SGCD: variants seen among roughly 807,000 people sequenced by gnomAD.
SGCD encodes the protein sarcoglycan delta, also known as delta-sarcoglycan.
A neutral mutation model predicts 36.6 loss-of-function variants in SGCD; 18 were observed. That is an observed-to-expected ratio of 0.49 (90% CI 0.34 to 0.73). The LOEUF is 0.73. Ranked by LOEUF, SGCD falls within the 30% of genes least tolerant of loss-of-function variation. SGCD has a pLI of 0.01. For synonymous variants in SGCD, 133 were observed against 130.6 expected (o/e 1.02, Z -0.12); for missense variants, 387 against 346.7 (o/e 1.12, Z -0.92).
At chr5:155,958,628 A>T (rs1156465659) in intron 1 of SGCD, among the ~76,000 whole-genome samples, 1 of 152,172 alleles carries the variant, frequency 6.6e-6, no homozygotes, top group South Asian at 2.1e-4. Context: ...TAAGCATGCT[A>T]ACAATTAAAA....
At chr5:156,450,425 AAG>A (rs1460957058) in intron 3 of SGCD, among the ~76,000 whole-genome samples, 1 of 152,084 alleles carries the variant, frequency 6.6e-6, no homozygotes, top group Non-Finnish European at 1.5e-5. Flanking sequence ...TTGGTTCAGA[AAG>A]AGAGTTCTTA....
intron 6 of SGCD, 107 bp downstream of exon 6, chr5:156,595,158 C>T (rs1178582659): frequency 2.7e-5 from 35 of 1,293,756 alleles, no homozygotes; most frequent in South Asian, 7.8e-5. Context: ...ATTCATATAT[C>T]GAAATCCTAA....
chr5:156,153,932 T>C (rs1386372911), intron 3 of SGCD, among the ~76,000 whole-genome samples: 1 of 151,684 alleles, frequency 6.6e-6, no homozygotes, highest in Non-Finnish European at 1.5e-5. Context: ...TTTTAAACAA[T>C]TGGTAAGCAT....
At chr5:156,193,717 A>C (rs1763950746) in intron 3 of SGCD, among the ~76,000 whole-genome samples, 1 of 152,188 alleles carries the variant, frequency 6.6e-6, no homozygotes, top group African/African-American at 2.4e-5. Flanking sequence ...AGAGAGATGG[A>C]ACTTCAGTCT....
At chr5:155,893,958 T>A (rs1331245321) in intron 1 of SGCD, among the ~76,000 whole-genome samples, 1 of 152,194 alleles carries the variant, frequency 6.6e-6, no homozygotes, top group African/African-American at 2.4e-5. Flanking sequence ...TTTGTATATC[T>A]AAAAATAGAA....
At chr5:155,869,618 A>T (rs1013978999), upstream of SGCD, among the ~76,000 whole-genome samples, 8 of 151,108 alleles carry the variant, frequency 5.3e-5, no homozygotes, top group African/African-American at 2.0e-4. Context: ...TACATGGCAC[A>T]TTATTAAGCT....
At chr5:156,098,084 C>T (rs1188624118) in intron 1 of SGCD, among the ~76,000 whole-genome samples, 1 of 152,136 alleles carries the variant, frequency 6.6e-6, no homozygotes, top group Non-Finnish European at 1.5e-5. Context: ...CTTACAGGCA[C>T]CCCCTACTCC....
rs539389542 is a variant in SGCD, at chr5:155,886,754, C to A, written c.-282+16330C>A. Among the ~76,000 whole-genome samples, 18 of 152,336 alleles carry A rather than the reference C, an allele frequency of 1.2e-4. No homozygotes were observed. In the South Asian group the frequency reaches 3.7e-3, roughly 32 times the overall value. ...TTATCAGTCAAGCTTCTGGGACTAG[C>A]AGCTGAGATGCTCAACTTCCCTGCA... On this transcript the variant is annotated intron_variant, in intron 1 of 9. Coordinates refer to the SGCD transcript ENST00000517913.
At chr5:156,368,219 T>C (rs552456886) in intron 3 of SGCD, among the ~76,000 whole-genome samples, 36 of 152,096 alleles carry the variant, frequency 2.4e-4, no homozygotes, top group African/African-American at 8.7e-4. Flanking sequence ...GCCTCCTGAG[T>C]AGCTGGGATT....
chr5:156,046,875 C>A (rs1191119247), intron 1 of SGCD, among the ~76,000 whole-genome samples: 1 of 152,110 alleles, frequency 6.6e-6, no homozygotes, highest in East Asian at 1.9e-4. Context: ...ATGTCTAAAG[C>A]CAGATAGACT....
chr5:156,702,271 C>T, intron 7 of SGCD, among the ~76,000 whole-genome samples: 1 of 152,076 alleles, frequency 6.6e-6, no homozygotes, highest in East Asian at 1.9e-4. Context: ...CCACTGTGCC[C>T]TCTGCTTGGG....
At chr5:155,793,691 A>G in the SGCD span, among the ~76,000 whole-genome samples, 2 of 151,658 alleles carry the variant, frequency 1.3e-5, no homozygotes, top group Non-Finnish European at 1.5e-5. Context: ...ACAGGCATGC[A>G]CCACCACGTC....
In SGCD at chr5:156,279,525, T is replaced by C. The variant is rs928814251; in HGVS notation, c.-43-50009T>C. On this transcript the variant is annotated intron_variant, in intron 3 of 9. Transcript: ENST00000517913. ...TGGTGAAATGAACAAAGTACATGAATAGACAGTTCAAAAAGAAGAAATGTG... is the reference window on the plus strand; with the variant it reads ...TGGTGAAATGAACAAAGTACATGAACAGACAGTTCAAAAAGAAGAAATGTG... Among the ~76,000 whole-genome samples the C allele has an allele frequency of 3.3e-5, 5 of 152,146 alleles. No homozygotes were observed. The South Asian group carries it at 6.2e-4, about 19-fold the overall frequency.
intron 3 of SGCD, among the ~76,000 whole-genome samples, chr5:156,378,724 C>G (rs1770812734): frequency 1.3e-5 from 2 of 152,080 alleles, no homozygotes; most frequent in Non-Finnish European, 2.9e-5. Flanking sequence ...ATTTTTGTCA[C>G]TGGTGGTGAG....
chr5:156,068,023 G>A (rs1760386746), intron 1 of SGCD, among the ~76,000 whole-genome samples: 1 of 151,512 alleles, frequency 6.6e-6, no homozygotes, highest in Admixed American at 6.6e-5. Flanking sequence ...GTTGAAACAA[G>A]TAACTGACCA....
chr5:155,994,273 A>G (rs530667256), intron 1 of SGCD, among the ~76,000 whole-genome samples: 2 of 152,312 alleles, frequency 1.3e-5, no homozygotes, highest in South Asian at 4.1e-4. Flanking sequence ...TCTCATCTAG[A>G]AAATGGGCCT....
intron 7 of SGCD, among the ~76,000 whole-genome samples, chr5:156,681,634 T>A (rs77113860): frequency 0.022 from 3,322 of 151,924 alleles, 133 homozygotes; most frequent in African/African-American, 0.076. Context: ...GGGCAGAGAG[T>A]GATAGATGAT....
In SGCD at chr5:156,261,134, T is replaced by G. The variant is rs1478595411; in HGVS notation, c.-43-68400T>G. On this transcript the variant is annotated intron_variant, in intron 3 of 9. Coordinates refer to the SGCD transcript ENST00000517913. ...TCTTTTCTTTAATCTTTTGTAGTTGTGTTATTAACAAAGTTATACTGGTTT... is the reference window on the plus strand; with the variant it reads ...TCTTTTCTTTAATCTTTTGTAGTTGGGTTATTAACAAAGTTATACTGGTTT... Among the ~76,000 whole-genome samples the G allele has an allele frequency of 2.0e-5, 3 of 152,198 alleles. No homozygotes were observed. In the South Asian group the frequency reaches 6.2e-4, roughly 31 times the overall value.
At chr5:155,903,733 T>G (rs138812174) in intron 1 of SGCD, among the ~76,000 whole-genome samples, 1 of 152,204 alleles carries the variant, frequency 6.6e-6, no homozygotes, top group East Asian at 1.9e-4. Flanking sequence ...ACACCTACGA[T>G]GTACAAAGTT....
Sources: allele counts gnomAD v4.1 joint callset (sites outside exome capture counted in the v4.1 genomes callset), GRCh38; gene constraint gnomAD v4.1.1; transcripts MANE v1.5; gene names NCBI Gene and HGNC (gene_info 2026-07-23, HGNC 2026-07-21).